HERC2: variants seen among roughly 807,000 people sequenced by gnomAD.
The protein encoded by HERC2 is HECT and RLD domain containing E3 ubiquitin protein ligase 2, also known as E3 ubiquitin-protein ligase HERC2.
HERC2 carries 102 observed loss-of-function variants against 537.7 expected under a neutral mutation model. The observed-to-expected ratio is 0.19, with a 90% CI of 0.16 to 0.22. HERC2 has a LOEUF of 0.22. Ranked by LOEUF, HERC2 falls within the 10% of genes least tolerant of loss-of-function variation. The pLI, the probability that HERC2 is intolerant of heterozygous loss-of-function variation, is 1.00. For missense variants in HERC2, 4,236 were observed against 6,198.2 expected (o/e 0.68, Z 10.63); for synonymous variants, 2,224 against 2,466.2 (o/e 0.90, Z 2.91).
At chr15:28,207,014 CAAA>C (rs545800321) in intron 44 of HERC2, among the ~76,000 whole-genome samples, 1 of 135,780 alleles carries the variant, frequency 7.4e-6, no homozygotes. Flanking sequence ...CATCTCAAAA[CAAA>C]AAAAAAAAAA....
At chr15:28,270,978 A>G (rs2075710877) in intron 9 of HERC2, 110 bp from the exon 10 acceptor site, 2 of 828,454 alleles carry the variant, frequency 2.4e-6, no homozygotes, top group East Asian at 5.3e-5. Flanking sequence ...TTGACCCATC[A>G]AATGACAATG....
chr15:28,260,715 G>A (rs1429249124), intron 16 of HERC2, 62 bp downstream of exon 16: 23 of 1,360,656 alleles, frequency 1.7e-5, no homozygotes, highest in Non-Finnish European at 2.3e-5. Context: ...TCTACATACT[G>A]GTAATGAACA....
chr15:28,225,622 C>T (rs865867015), intron 35 of HERC2, among the ~76,000 whole-genome samples: 4 of 146,196 alleles, frequency 2.7e-5, no homozygotes, highest in Admixed American at 7.0e-5. Flanking sequence ...CACTTGAACC[C>T]GGGAGGCAGA....
At chr15:28,251,254 C>T (rs190394450) in intron 20 of HERC2, among the ~76,000 whole-genome samples, 85 of 152,014 alleles carry the variant, frequency 5.6e-4, no homozygotes, top group African/African-American at 2.0e-3. Flanking sequence ...ACCACCCCAG[C>T]CAACATGGGG....
intron 42 of HERC2, 25 bp from the exon 43 acceptor site, chr15:28,212,608 G>C (rs1251971582): frequency 1.9e-6 from 3 of 1,607,162 alleles, no homozygotes; most frequent in Admixed American, 1.7e-5. Context: ...GAAGCTGTCA[G>C]AGTGTGGCCA....
chr15:28,239,855 G>A (rs774330977), intron 23 of HERC2, among the ~76,000 whole-genome samples: 4 of 152,138 alleles, frequency 2.6e-5, no homozygotes, highest in Non-Finnish European at 2.9e-5. Context: ...GGGAGAGGAG[G>A]GCCTGGAGCC....
chr15:28,250,003 T>G (rs1244709210), intron 20 of HERC2, among the ~76,000 whole-genome samples: 4 of 152,058 alleles, frequency 2.6e-5, no homozygotes, highest in African/African-American at 9.7e-5. Context: ...AGACAGGACA[T>G]GGGAACACGG....
At chr15:28,317,394 G>A (rs953811938) in intron 2 of HERC2, among the ~76,000 whole-genome samples, 2 of 152,150 alleles carry the variant, frequency 1.3e-5, no homozygotes, top group African/African-American at 2.4e-5. Flanking sequence ...CAGCCGAAGT[G>A]ACAATATTTA....
chr15:28,254,674 C>T (rs918919757), intron 19 of HERC2, among the ~76,000 whole-genome samples, 156 bp from the exon 20 acceptor site: 49 of 152,172 alleles, frequency 3.2e-4, no homozygotes, highest in African/African-American at 1.1e-3. Flanking sequence ...TTGTTGGAAA[C>T]CCTAACTCAG....
At chr15:28,263,550 T>C (rs2140941121) in intron 14 of HERC2, among the ~76,000 whole-genome samples, 1 of 152,322 alleles carries the variant, frequency 6.6e-6, no homozygotes, top group South Asian at 2.1e-4. Context: ...CTGCTTCTGT[T>C]GCCACCATGC....
chr15:28,143,310 T>C (rs867531764), intron 74 of HERC2, among the ~76,000 whole-genome samples: 4 of 152,124 alleles, frequency 2.6e-5, no homozygotes, highest in African/African-American at 9.7e-5. Context: ...GTTAGCCTCA[T>C]TGTAAAGTCC....
At chr15:28,146,766 G>A (rs947570917) in intron 70 of HERC2, among the ~76,000 whole-genome samples, 3 of 147,248 alleles carry the variant, frequency 2.0e-5, no homozygotes, top group African/African-American at 7.8e-5. Context: ...CGTGTCCAGA[G>A]AACTGGAGAA....
At chr15:28,298,840 C>G (rs8039663) in intron 3 of HERC2, among the ~76,000 whole-genome samples, 3,048 of 151,836 alleles carry the variant, frequency 0.02, 98 homozygotes, top group African/African-American at 0.07. Flanking sequence ...CAGACTAATG[C>G]TCTCCCAACT....
intron 3 of HERC2, among the ~76,000 whole-genome samples, chr15:28,294,687 C>T (rs2346040): frequency 2.0e-5 from 3 of 151,882 alleles, no homozygotes; most frequent in Non-Finnish European, 4.4e-5. Flanking sequence ...AGCAAGGTCA[C>T]CTCACCCTGT....
intron 3 of HERC2, chr15:28,298,631 T>TA (rs2076536488): frequency 6.6e-6 from 1 of 150,624 alleles, no homozygotes; most frequent in African/African-American, 2.4e-5. Flanking sequence ...CTGTCTCTAC[T>TA]AAAAAATACA....
intron 86 of HERC2, among the ~76,000 whole-genome samples, chr15:28,118,722 C>T (rs1888551406): frequency 6.6e-6 from 1 of 152,238 alleles, no homozygotes; most frequent in Non-Finnish European, 1.5e-5. Flanking sequence ...GGCGCCTGTG[C>T]AGCCTTCCTG....
Position 28,150,501 on chromosome 15 carries a change from G to A in HERC2, c.10900+2176C>T, listed in dbSNP as rs1444586485. Reference sequence around the variant, plus strand: ...AAAAAAACACACGCAGCTTCTAACCGAGAATATCACCGAGAACAGCCACAT... The same window carrying A: ...AAAAAAACACACGCAGCTTCTAACCAAGAATATCACCGAGAACAGCCACAT... On this transcript the variant is annotated intron_variant, in intron 70 of 92. Coordinates refer to ENST00000261609, the MANE Select transcript of HERC2 (RefSeq NM_004667.6). Among the ~76,000 whole-genome samples, 4 of 138,456 alleles carry A rather than the reference G, an allele frequency of 2.9e-5. No homozygotes were observed. The East Asian group carries it at 6.4e-4, about 22-fold the overall frequency. 90.8% of individuals were successfully genotyped at this position (138,456 alleles called of 152,430 possible).
chr15:28,310,834 T>G (rs12442229), intron 2 of HERC2, among the ~76,000 whole-genome samples: 2 of 151,630 alleles, frequency 1.3e-5, no homozygotes, highest in African/African-American at 4.8e-5. Context: ...TCCCAGCACT[T>G]TGGGAGGCCG....
chr15:28,176,415 G>A lies in HERC2; in HGVS notation c.9686+13C>T, dbSNP rs753260444. On this transcript the variant is annotated intron_variant, in intron 63 of 92. Transcript: ENST00000261609. The surrounding 1 kb of genome is among the most constrained non-coding windows in gnomAD (Gnocchi z 5.0). ...CAAGCACACACAGTGTGACAGGGAGGACGTTTACGTACCATGTCCACACCA... is the reference window on the plus strand; with the variant it reads ...CAAGCACACACAGTGTGACAGGGAGAACGTTTACGTACCATGTCCACACCA... The A allele has an allele frequency of 3.1e-6, 5 of 1,613,458 alleles. No individual in the cohort carries two copies. The highest frequency in any genetic ancestry group is 4.2e-6 in the Non-Finnish European group (5 of 1,179,482).
Sources: gnomAD v4.1 joint callset for allele counts (sites outside exome capture counted in the v4.1 genomes callset) on GRCh38, gnomAD v4.1.1 for gene constraint, Gnocchi (gnomAD v3.1) non-coding constraint, MANE v1.5 for transcripts, NCBI Gene and HGNC (gene_info 2026-07-23, HGNC 2026-07-21) for gene names.